The following KCNH7 variants were observed in gnomAD, a reference collection of about 807,000 sequenced individuals.
The protein encoded by KCNH7 is voltage-gated inwardly rectifying potassium channel KCNH7.
A neutral mutation model predicts 120.8 loss-of-function variants in KCNH7; 49 were observed. That is an observed-to-expected ratio of 0.41 (90% CI 0.32 to 0.51). KCNH7 has a LOEUF of 0.51. KCNH7 is among the 20% of genes least tolerant of loss of function. The probability of loss-of-function intolerance (pLI) is 0.38; values close to 1 mark genes in which losing one functional copy is unlikely to be tolerated. For synonymous variants in KCNH7, 547 were observed against 516.1 expected, an observed-to-expected ratio of 1.06 and a Z score of -0.81; for missense variants, 1,097 against 1,446.6, an observed-to-expected ratio of 0.76 and a Z score of 3.92.
intron 2 of KCNH7, among the ~76,000 whole-genome samples, chr2:162,573,062 A>C (rs1170866581): frequency 6.6e-6 from 1 of 152,110 alleles, no homozygotes; most frequent in African/African-American, 2.4e-5. Context: ...ACACACTTAA[A>C]AAAAAAGGTC....
intron 2 of KCNH7, among the ~76,000 whole-genome samples, chr2:162,626,552 T>C (rs147023844): frequency 1.3e-5 from 2 of 152,254 alleles, no homozygotes; most frequent in African/African-American, 2.4e-5. Context: ...GTCTGATATA[T>C]GGTAATTTTT....
At chr2:162,787,041 G>C (rs1215322369) in intron 2 of KCNH7, among the ~76,000 whole-genome samples, 2 of 152,210 alleles carry the variant, frequency 1.3e-5, no homozygotes, top group Non-Finnish European at 2.9e-5. Flanking sequence ...GGAGAAGAAT[G>C]GATCGAGCAA....
At chr2:162,474,175 C>G (rs982186955) in intron 6 of KCNH7, among the ~76,000 whole-genome samples, 2 of 152,202 alleles carry the variant, frequency 1.3e-5, no homozygotes, top group Non-Finnish European at 2.9e-5. Flanking sequence ...ATGAGGTTAG[C>G]AAACTTTCCC....
At chr2:162,453,022 A>G (rs910788404) in intron 6 of KCNH7, among the ~76,000 whole-genome samples, 26 of 152,066 alleles carry the variant, frequency 1.7e-4, no homozygotes, top group African/African-American at 6.3e-4. Context: ...TACATGTACC[A>G]TGGTGGTTTG....
At chr2:162,787,899 G>C (rs1436782790) in intron 2 of KCNH7, among the ~76,000 whole-genome samples, 1 of 152,222 alleles carries the variant, frequency 6.6e-6, no homozygotes, top group African/African-American at 2.4e-5. Flanking sequence ...CACCAGGCCA[G>C]CCACCTAAGG....
At chr2:162,677,633 T>C (rs1409529484) in intron 2 of KCNH7, among the ~76,000 whole-genome samples, 1 of 151,554 alleles carries the variant, frequency 6.6e-6, no homozygotes, top group Admixed American at 6.6e-5. Context: ...ATAATGCTTA[T>C]ATAAACACTC....
chr2:162,750,231 A>C (rs1688490814), intron 2 of KCNH7, among the ~76,000 whole-genome samples: 1 of 152,162 alleles, frequency 6.6e-6, no homozygotes, highest in African/African-American at 2.4e-5. Flanking sequence ...TGAGTTACAG[A>C]GAAAGTCAAC....
chr2:162,645,083 T>A (rs1029642301), intron 2 of KCNH7, among the ~76,000 whole-genome samples: 1 of 152,158 alleles, frequency 6.6e-6, no homozygotes, highest in Non-Finnish European at 1.5e-5. Flanking sequence ...TGTTTGAGAA[T>A]ATTTATGTTT....
chr2:162,779,771 C>T (rs999858327), intron 2 of KCNH7, among the ~76,000 whole-genome samples: 1 of 152,138 alleles, frequency 6.6e-6, no homozygotes, highest in African/African-American at 2.4e-5. Context: ...GGTCTCTTCC[C>T]TCTCAGAATA....
At chr2:162,825,552 T>C (rs1685251028) in intron 2 of KCNH7, among the ~76,000 whole-genome samples, 2 of 152,142 alleles carry the variant, frequency 1.3e-5, no homozygotes, top group South Asian at 4.2e-4. Context: ...AGACATACTG[T>C]TATGCAGTAA....
intron 2 of KCNH7, among the ~76,000 whole-genome samples, chr2:162,805,954 C>G (rs1267040065): frequency 6.6e-6 from 1 of 151,970 alleles, no homozygotes; most frequent in Non-Finnish European, 1.5e-5. Flanking sequence ...GAGCTGGAGG[C>G]CATTACTCTA....
At chr2:162,455,488 T>C (rs1350134094) in intron 6 of KCNH7, among the ~76,000 whole-genome samples, 2 of 152,146 alleles carry the variant, frequency 1.3e-5, no homozygotes, top group African/African-American at 4.8e-5. Flanking sequence ...TTTTCTGTTG[T>C]TTGGAATAGT....
rs139582865 is a variant in KCNH7, at chr2:162,523,680, A to G, written c.464-5522T>C. ...ACTTAAGACTACATATAGGGATATT[A>G]GAAACAATCATTTTCTTGTGGAAAA... On this transcript the variant is annotated intron_variant, in intron 3 of 15. Transcript: ENST00000332142. 3.1e-4 allele frequency among the ~76,000 whole-genome samples: 47 copies of G among 152,000 alleles called. 1 individual carries two copies. Among genetic ancestry groups the G allele is most frequent in the African/African-American group, 1.1e-3 (45 of 41,540 alleles).
intron 2 of KCNH7, among the ~76,000 whole-genome samples, chr2:162,662,697 A>T (rs1169576081): frequency 6.6e-6 from 1 of 152,080 alleles, no homozygotes; most frequent in Non-Finnish European, 1.5e-5. Flanking sequence ...ATCTCAGTAA[A>T]CTGTACTCTT....
chr2:162,516,112 T>A (rs1279207459), intron 4 of KCNH7, among the ~76,000 whole-genome samples: 1 of 151,766 alleles, frequency 6.6e-6, no homozygotes, highest in African/African-American at 2.4e-5. Flanking sequence ...TTATCGCGTA[T>A]CTGCCATGAA....
chr2:162,458,204 T>G (rs1689036554), intron 6 of KCNH7, among the ~76,000 whole-genome samples: 1 of 152,112 alleles, frequency 6.6e-6, no homozygotes. Flanking sequence ...TTTAGCATTT[T>G]GTTTTGTATA....
intron 9 of KCNH7, among the ~76,000 whole-genome samples, chr2:162,413,117 T>G (rs1186491459): frequency 6.6e-6 from 1 of 152,032 alleles, no homozygotes; most frequent in Non-Finnish European, 1.5e-5. Context: ...ATAAAACTGC[T>G]AAACACAAAC....
chr2:162,805,726 C>A (rs1684514773), intron 2 of KCNH7, among the ~76,000 whole-genome samples: 1 of 152,114 alleles, frequency 6.6e-6, no homozygotes, highest in East Asian at 1.9e-4. Flanking sequence ...AGCAATTCCA[C>A]TACTGGATAT....
intron 2 of KCNH7, among the ~76,000 whole-genome samples, chr2:162,744,044 G>A (rs1432067351): frequency 1.3e-5 from 2 of 152,024 alleles, no homozygotes; most frequent in South Asian, 2.1e-4. Context: ...CATAATGCAC[G>A]GATTCGCCAT....
Sources: allele counts gnomAD v4.1 joint callset (sites outside exome capture counted in the v4.1 genomes callset), GRCh38; gene constraint gnomAD v4.1.1; transcripts MANE v1.5; gene names NCBI Gene and HGNC (gene_info 2026-07-23, HGNC 2026-07-21).